Variants in SPAG16 observed in about 807,000 individuals in gnomAD.
The protein encoded by SPAG16 is sperm-associated antigen 16 protein.
SPAG16 carries 86 observed loss-of-function variants against 80.4 expected under a neutral mutation model. That is an observed-to-expected ratio of 1.07 (90% confidence interval 0.90 to 1.28). SPAG16 has a LOEUF of 1.28. Ranked by LOEUF, SPAG16 falls within the 50% of genes most tolerant of loss-of-function variation. The pLI is 0.00. For synonymous variants in SPAG16, 294 were observed against 265.9 expected, an observed-to-expected ratio of 1.11 and a Z score of -1.03; for missense variants, 870 against 765.3, an observed-to-expected ratio of 1.14 and a Z score of -1.61.
chr2:213,477,743 T>C (rs1265146812), intron 9 of SPAG16, among the ~76,000 whole-genome samples: 1 of 152,216 alleles, frequency 6.6e-6, no homozygotes, highest in Non-Finnish European at 1.5e-5. Context: ...TTGTCTCAGA[T>C]GAGACTTTGG....
At chr2:213,635,486 T>G (rs1189387049) in intron 10 of SPAG16, among the ~76,000 whole-genome samples, 1 of 152,190 alleles carries the variant, frequency 6.6e-6, no homozygotes, top group Non-Finnish European at 1.5e-5. Context: ...TTCAGGAATC[T>G]CCATACTGTT....
Position 213,297,368 on chromosome 2 carries a change from G to T in SPAG16, c.279+11G>T. ...GATACTGAAATTTTGGTGAGAATTT[G>T]AACACTAGTGTAGTCTATAGTTTAG... On this transcript the variant is annotated intron_variant, in intron 3 of 15. Coordinates refer to ENST00000331683, the MANE Select transcript of SPAG16 (RefSeq NM_024532.5). 1 of 1,543,604 alleles carries T rather than the reference G, an allele frequency of 6.5e-7. No homozygotes were observed. Among genetic ancestry groups the T allele is most frequent in the South Asian group, 1.1e-5 (1 of 87,708 alleles).
At chr2:213,747,588 T>G (rs1316885279) in intron 10 of SPAG16, among the ~76,000 whole-genome samples, 1 of 152,238 alleles carries the variant, frequency 6.6e-6, no homozygotes, top group African/African-American at 2.4e-5. Context: ...GATACACAAA[T>G]AGTTACCATT....
At chr2:213,335,857 A>T (rs1373401495) in intron 5 of SPAG16, among the ~76,000 whole-genome samples, 1 of 152,100 alleles carries the variant, frequency 6.6e-6, no homozygotes, top group Non-Finnish European at 1.5e-5. Flanking sequence ...TTTTAAAAAA[A>T]TAGGGTGTGC....
chr2:213,798,682 C>CTCCAATGTTT (rs1408404832), intron 10 of SPAG16, among the ~76,000 whole-genome samples: 1 of 152,116 alleles, frequency 6.6e-6, no homozygotes, highest in African/African-American at 2.4e-5. Context: ...TGAAAATTTA[C>CTCCAATGTTT]TCCAATGTTT....
intron 9 of SPAG16, among the ~76,000 whole-genome samples, chr2:213,432,661 T>G (rs539876757): frequency 8.0e-5 from 12 of 149,594 alleles, no homozygotes; most frequent in African/African-American, 2.8e-4. Flanking sequence ...TTGCTGAATT[T>G]TACCAGTTGT....
intron 9 of SPAG16, among the ~76,000 whole-genome samples, chr2:213,451,225 A>T (rs925212564): frequency 4.6e-5 from 7 of 152,210 alleles, no homozygotes; most frequent in African/African-American, 1.7e-4. Flanking sequence ...CATTTCAAAA[A>T]CAAAAAACAA....
At chr2:213,761,295 G>A (rs1354596677) in intron 10 of SPAG16, among the ~76,000 whole-genome samples, 1 of 152,098 alleles carries the variant, frequency 6.6e-6, no homozygotes, top group East Asian at 1.9e-4. Context: ...GAAATTTATA[G>A]CTATAAGTTC....
intron 9 of SPAG16, among the ~76,000 whole-genome samples, chr2:213,446,824 T>C (rs2071349466): frequency 6.6e-6 from 1 of 152,176 alleles, no homozygotes; most frequent in Non-Finnish European, 1.5e-5. Flanking sequence ...GGGTTATAAA[T>C]ACCCTCTGTG....
intron 10 of SPAG16, among the ~76,000 whole-genome samples, chr2:213,556,312 C>CAAAAAAAAAAAAAAAAAAAAAACAA (rs35010847): frequency 8.9e-6 from 1 of 112,838 alleles, no homozygotes; most frequent in Non-Finnish European, 1.8e-5. Flanking sequence ...AAAAAAAAAC[C>CAAAAAAAAAAAAAAAAAAAAAACAA]AAAAAAAAAA....
rs914242632 is a variant in SPAG16 at position 214,404,361 on chromosome 2, A to G, written c.1721-5779A>G. Among the ~76,000 whole-genome samples the G allele has an allele frequency of 1.8e-4, 27 of 152,214 alleles. 1 individual carries two copies. The highest frequency in any genetic ancestry group is 1.6e-3 in the Admixed American group (25 of 15,278). ...TCAGCTCAGCTGTTTTATTTGTAAC[A>G]TAAGATGGTTGGATCTAAAACAAAA... On this transcript the variant is annotated intron_variant, in intron 15 of 15. Coordinates refer to ENST00000331683, the MANE Select transcript of SPAG16 (RefSeq NM_024532.5).
chr2:214,196,879 C>T (rs550161115), intron 15 of SPAG16, among the ~76,000 whole-genome samples: 242 of 152,044 alleles, frequency 1.6e-3, no homozygotes, highest in African/African-American at 5.7e-3. Flanking sequence ...ACAATTTTCT[C>T]GCTTTATATT....
At chr2:213,869,816 G>A (rs1415509459) in intron 11 of SPAG16, among the ~76,000 whole-genome samples, 1 of 152,050 alleles carries the variant, frequency 6.6e-6, no homozygotes, top group East Asian at 1.9e-4. Context: ...ATTTACAAAT[G>A]CCCTTATAAT....
At chr2:213,427,157 T>C (rs1318451329) in intron 9 of SPAG16, among the ~76,000 whole-genome samples, 1 of 152,146 alleles carries the variant, frequency 6.6e-6, no homozygotes, top group East Asian at 1.9e-4. Flanking sequence ...GGCACCTGTA[T>C]GAGAAAAAGT....
chr2:213,722,117 T>G (rs534101342), intron 10 of SPAG16, among the ~76,000 whole-genome samples: 143 of 152,324 alleles, frequency 9.4e-4, no homozygotes, highest in African/African-American at 3.3e-3. Flanking sequence ...AAACTAATTA[T>G]AGTCTAAACT....
chr2:214,193,903 A>G (rs1045280784), intron 15 of SPAG16, among the ~76,000 whole-genome samples: 4 of 152,120 alleles, frequency 2.6e-5, no homozygotes, highest in South Asian at 2.1e-4. Context: ...CATTTAGTTT[A>G]ATTTCTTTAA....
intron 6 of SPAG16, among the ~76,000 whole-genome samples, chr2:213,348,449 G>A (rs545635987): frequency 3.4e-4 from 52 of 152,156 alleles, no homozygotes; most frequent in Non-Finnish European, 6.2e-4. Context: ...TTGCTCATTA[G>A]TTGATGCAGT....
At chr2:213,467,329 G>C (rs1354514018) in intron 9 of SPAG16, among the ~76,000 whole-genome samples, 1 of 152,130 alleles carries the variant, frequency 6.6e-6, no homozygotes, top group Non-Finnish European at 1.5e-5. Context: ...AAAACTTCTG[G>C]ATTAGTATTA....
chr2:213,513,691 A>C lies in SPAG16; in HGVS notation c.1070+23601A>C, dbSNP rs189942175. Among the ~76,000 whole-genome samples, 747 of 152,312 alleles carry C rather than the reference A, an allele frequency of 4.9e-3. 19 individuals carry two copies. Among genetic ancestry groups the C allele is most frequent in the Admixed American group, 0.044 (666 of 15,296 alleles). On this transcript the variant is annotated intron_variant, in intron 10 of 15. Transcript: ENST00000331683. ...AAGGAAGACTGGACAATGTGTGCTA[A>C]AGTTAAAGCACATAGCGGAATCTCT...
Sources: gnomAD v4.1 joint callset for allele counts (sites outside exome capture counted in the v4.1 genomes callset) on GRCh38, gnomAD v4.1.1 for gene constraint, MANE v1.5 for transcripts, NCBI Gene and HGNC (gene_info 2026-07-23, HGNC 2026-07-21) for gene names.